LCLAT1: variants seen among roughly 807,000 people sequenced by gnomAD.
LCLAT1 encodes the protein 1-AGP acyltransferase 8.
Under a neutral mutation model 30.7 loss-of-function variants are expected in LCLAT1, and 11 were observed. The ratio of observed to expected loss-of-function variants is 0.36; its 90% confidence interval spans 0.23 to 0.59. LCLAT1 has a LOEUF of 0.59. LCLAT1 is among the 20% of genes least tolerant of loss of function. The pLI is 0.77. For missense variants in LCLAT1, 402 were observed against 458.6 expected, an observed-to-expected ratio of 0.88 and a Z score of 1.13; for synonymous variants, 155 against 151.3, an observed-to-expected ratio of 1.02 and a Z score of -0.18.
At chr2:30,618,359 A>AATC (rs1348603715) in intron 5 of LCLAT1, among the ~76,000 whole-genome samples, 1 of 152,198 alleles carries the variant, frequency 6.6e-6, no homozygotes, top group Admixed American at 6.6e-5. Flanking sequence ...AGAGAAATGT[A>AATC]ATCTTAATAA....
intron 5 of LCLAT1, among the ~76,000 whole-genome samples, chr2:30,631,618 T>A (rs1259207217): frequency 6.6e-6 from 1 of 152,208 alleles, no homozygotes; most frequent in East Asian, 1.9e-4. Context: ...GGAAGCTCAG[T>A]ATAGTAGCAA....
intron 1 of LCLAT1, among the ~76,000 whole-genome samples, chr2:30,475,818 C>T (rs1558461969): frequency 1.3e-5 from 2 of 152,162 alleles, no homozygotes; most frequent in Admixed American, 6.5e-5. Flanking sequence ...ATAATGAAAT[C>T]TCAAGGAACA....
chr2:30,621,977 C>T (rs1021438712), intron 5 of LCLAT1, among the ~76,000 whole-genome samples: 3 of 152,156 alleles, frequency 2.0e-5, no homozygotes, highest in Non-Finnish European at 4.4e-5. Context: ...AGGTACAAAA[C>T]CTGAAAGCCC....
intron 5 of LCLAT1, among the ~76,000 whole-genome samples, chr2:30,616,323 A>G (rs574855905): frequency 3.9e-5 from 6 of 152,216 alleles, no homozygotes; most frequent in Non-Finnish European, 8.8e-5. Context: ...AATCTGAATC[A>G]AACAGATTAG....
intron 1 of LCLAT1, among the ~76,000 whole-genome samples, chr2:30,501,073 G>A (rs2148342307): frequency 9.3e-6 from 1 of 107,152 alleles, no homozygotes; most frequent in African/African-American, 4.0e-5. Flanking sequence ...GTTTTGTTTT[G>A]TTCTGTGTGT....
chr2:30,468,247 G>C (rs1682574876), intron 1 of LCLAT1, among the ~76,000 whole-genome samples: 1 of 152,180 alleles, frequency 6.6e-6, no homozygotes, highest in African/African-American at 2.4e-5. Flanking sequence ...TCAAAGATCA[G>C]ATGGTTGTAG....
intron 5 of LCLAT1, among the ~76,000 whole-genome samples, chr2:30,604,960 C>T (rs1420289377): frequency 6.6e-6 from 1 of 152,214 alleles, no homozygotes; most frequent in Non-Finnish European, 1.5e-5. Context: ...TTGCCGCCCC[C>T]ACACACAGGT....
chr2:30,505,919 GT>G, intron 1 of LCLAT1, among the ~76,000 whole-genome samples: 1 of 152,132 alleles, frequency 6.6e-6, no homozygotes, highest in East Asian at 1.9e-4. Context: ...GAGATAAGTT[GT>G]GTCATTTTGA....
intron 5 of LCLAT1, among the ~76,000 whole-genome samples, chr2:30,608,760 A>G (rs1667588680): frequency 6.6e-6 from 1 of 152,136 alleles, no homozygotes; most frequent in Non-Finnish European, 1.5e-5. Flanking sequence ...TGATGTTCCC[A>G]TGACAAAAAA....
At chr2:30,536,132 C>T (rs1183964768) in intron 3 of LCLAT1, among the ~76,000 whole-genome samples, 4 of 152,062 alleles carry the variant, frequency 2.6e-5, no homozygotes, top group African/African-American at 4.8e-5. Flanking sequence ...ATGAAGAAAG[C>T]TTACAGAACA....
intron 5 of LCLAT1, among the ~76,000 whole-genome samples, chr2:30,609,199 C>T (rs1436908850): frequency 6.6e-6 from 1 of 152,100 alleles, no homozygotes; most frequent in Non-Finnish European, 1.5e-5. Context: ...TTAGACATTG[C>T]AGGTATGTTC....
At chr2:30,464,310 A>G (rs922432569) in intron 1 of LCLAT1, among the ~76,000 whole-genome samples, 1 of 151,968 alleles carries the variant, frequency 6.6e-6, no homozygotes, top group African/African-American at 2.4e-5. Flanking sequence ...TTCATCTGGA[A>G]TTTATTTTGA....
At chr2:30,452,598 A>G (rs1681612537) in intron 1 of LCLAT1, among the ~76,000 whole-genome samples, 1 of 152,232 alleles carries the variant, frequency 6.6e-6, no homozygotes, top group Admixed American at 6.5e-5. Flanking sequence ...TTTTATGAAC[A>G]TAATAGATTT....
At chr2:30,637,295 T>C (rs867702625) in intron 5 of LCLAT1, among the ~76,000 whole-genome samples, 12 of 151,410 alleles carry the variant, frequency 7.9e-5, no homozygotes, top group South Asian at 6.3e-4. Context: ...GCTTCATCTC[T>C]CATGAAGTAA....
chr2:30,512,200 T>A (rs1230642109), intron 1 of LCLAT1, among the ~76,000 whole-genome samples: 2 of 152,220 alleles, frequency 1.3e-5, no homozygotes, highest in Non-Finnish European at 2.9e-5. Flanking sequence ...GGAATTCTTA[T>A]TTTATTTCAT....
chr2:30,588,587 TG>T (rs1666546248), intron 5 of LCLAT1, among the ~76,000 whole-genome samples: 1 of 152,016 alleles, frequency 6.6e-6, no homozygotes, highest in Non-Finnish European at 1.5e-5. Context: ...GTTGTTGTTT[TG>T]TTTTTTTGTT....
chr2:30,471,300 C>T (rs1682773826), intron 1 of LCLAT1, among the ~76,000 whole-genome samples: 2 of 152,026 alleles, frequency 1.3e-5, no homozygotes, highest in South Asian at 4.2e-4. Context: ...ACCTCCGCCT[C>T]CCGGGTTCAA....
rs541912935 is a variant in LCLAT1, at chr2:30,641,272, A to T, written c.*653A>T. On this transcript the variant is annotated 3_prime_UTR_variant, in exon 6 of 6. Transcript: ENST00000379509. ...AGATAAAACCTGGACTCAGGGAGCA[A>T]CCACAGGCTCTCCACTTTGAAACTT... The T allele has an allele frequency of 4.7e-4, 72 of 152,360 alleles. No individual in the cohort carries two copies. The highest frequency in any genetic ancestry group is 1.7e-3 in the African/African-American group (69 of 41,566). 9.4% of individuals were successfully genotyped at this position (152,360 alleles called of 1,614,324 possible). A position where few individuals can be genotyped will look rare whatever the true frequency, so the allele number is the denominator to read the frequency against.
chr2:30,599,145 C>G (rs1291197623), intron 5 of LCLAT1, among the ~76,000 whole-genome samples: 1 of 151,984 alleles, frequency 6.6e-6, no homozygotes, highest in Non-Finnish European at 1.5e-5. Flanking sequence ...GCATGCCAGG[C>G]TAATTTTTGT....
Sources: gnomAD v4.1 joint callset for allele counts (sites outside exome capture counted in the v4.1 genomes callset) on GRCh38, gnomAD v4.1.1 for gene constraint, MANE v1.5 for transcripts, NCBI Gene and HGNC (gene_info 2026-07-23, HGNC 2026-07-21) for gene names.